The following RALGAPB variants were observed in gnomAD, a reference collection of about 807,000 sequenced individuals.
RALGAPB encodes ral GTPase-activating protein subunit beta.
A neutral mutation model predicts 161.1 loss-of-function variants in RALGAPB; 25 were observed. The ratio of observed to expected loss-of-function variants is 0.16; its 90% CI spans 0.11 to 0.22. The LOEUF (loss-of-function observed/expected upper bound fraction) is 0.22, where lower values mean the gene tolerates loss of function less well. Among genes scored for constraint, RALGAPB ranks in the 10% least tolerant of loss-of-function variants. The pLI is 1.00. For missense variants in RALGAPB, 1,391 were observed against 1,815.2 expected (o/e 0.77, Z 4.25); for synonymous variants, 629 against 626.1 (o/e 1.00, Z -0.07).
intron 28 of RALGAPB, among the ~76,000 whole-genome samples, chr20:38,571,169 T>C (rs1275956743): frequency 6.6e-6 from 1 of 152,154 alleles, no homozygotes; most frequent in Non-Finnish European, 1.5e-5. Flanking sequence ...ACTTCTACCA[T>C]CTCCAGAAGT....
chr20:38,549,288 T>C (rs146060814), intron 20 of RALGAPB, among the ~76,000 whole-genome samples: 5,989 of 151,914 alleles, frequency 0.039, 189 homozygotes, highest in African/African-American at 0.093. Context: ...AGTGCAGTGG[T>C]GTAATCATAG....
In RALGAPB at chr20:38,570,074, C is replaced by T. The variant is rs113854351; in HGVS notation, c.4063+78C>T. 1,576 of 1,220,622 alleles carry T rather than the reference C, an allele frequency of 1.3e-3. 20 individuals carry two copies. In the African/African-American group the frequency reaches 0.02, roughly 15 times the overall value. The allele number at this position is 1,220,622 out of a possible 1,614,324, so 75.6% of individuals were successfully genotyped here. On this transcript the variant is annotated intron_variant, in intron 27 of 29. Transcript: ENST00000262879. ...TTGCTAAATGTCTACAGGGAGTGGG[C>T]ACATAAGCCTGGTGTGGCCAGGAGC...
intron 26 of RALGAPB, 91 bp from the exon 27 acceptor site, chr20:38,569,797 C>A: frequency 1.1e-6 from 1 of 924,584 alleles, no homozygotes; most frequent in Non-Finnish European, 1.7e-6. Flanking sequence ...TCACTGAGCA[C>A]CTTGACAAAT....
chr20:38,541,163 A>G lies in RALGAPB; in HGVS notation c.2685A>G (p.Val895=), dbSNP rs1224498439. 1 of 1,614,150 alleles carries G rather than the reference A, an allele frequency of 6.2e-7. No homozygotes were observed. Among genetic ancestry groups the G allele is most frequent in the Non-Finnish European group, 8.5e-7 (1 of 1,179,988 alleles). ...AGCCAAACCCTGCATCTATGAGGGTAAAGGATGCTGCTGAAGCCACCCTAA... is the reference window on the plus strand; with the variant it reads ...AGCCAAACCCTGCATCTATGAGGGTGAAGGATGCTGCTGAAGCCACCCTAA... ...DKEPNPASMR[V]KDAAEATLTC... The change falls in exon 18 of 30, where the codon GTA becomes GTG. Residue 895 remains valine (V), a synonymous_variant. Transcript: ENST00000262879.
chr20:38,512,500 T>C (rs907524199), intron 6 of RALGAPB, among the ~76,000 whole-genome samples: 2 of 152,260 alleles, frequency 1.3e-5, no homozygotes, highest in African/African-American at 4.8e-5. Context: ...AGAAAAAGCA[T>C]GTAAAACGGC....
rs781336773 is a variant in RALGAPB, at chr20:38,574,261, T to G, written c.4254T>G (p.Pro1418=). The G allele has an allele frequency of 6.2e-7, 1 of 1,613,248 alleles. No individual in the cohort carries two copies. Among genetic ancestry groups the G allele is most frequent in the Non-Finnish European group, 8.5e-7 (1 of 1,179,664 alleles). The change falls in exon 29 of 30, where the codon CCT becomes CCG. Residue 1418 remains proline, a synonymous_variant. Coordinates refer to ENST00000262879, the MANE Select transcript of RALGAPB (RefSeq NM_020336.4). ...GATGKFNMVI[P]LVDGMIVSRR... is the part of the protein sequence containing the mutation. ...CTGGAAAATTTAATATGGTCATCCC[T>G]CTTGTGGATGGGATGATTGTCAGCA...
intron 5 of RALGAPB, among the ~76,000 whole-genome samples, chr20:38,501,935 G>A (rs2085608288): frequency 6.6e-6 from 1 of 152,068 alleles, no homozygotes; most frequent in Non-Finnish European, 1.5e-5. Flanking sequence ...TGCTAGTCTT[G>A]TATCATTTAC....
At chr20:38,500,241 G>GTT (rs879683449) in intron 5 of RALGAPB, among the ~76,000 whole-genome samples, 3 of 142,116 alleles carry the variant, frequency 2.1e-5, no homozygotes, top group Admixed American at 7.0e-5. Context: ...CGGATACCAT[G>GTT]TTTTTTTTTT....
chr20:38,558,261 G>T, intron 22 of RALGAPB, 34 bp from the exon 23 acceptor site: 1 of 1,445,692 alleles, frequency 6.9e-7, no homozygotes. Flanking sequence ...AAAGAAAATA[G>T]GTAATAATTG....
chr20:38,482,417 T>C (rs1439402910), intron 1 of RALGAPB, among the ~76,000 whole-genome samples: 1 of 142,388 alleles, frequency 7.0e-6, no homozygotes, highest in Non-Finnish European at 1.5e-5. Context: ...GTCACAGCTG[T>C]ATGTTTATCT....
At position 38,521,689 on chromosome 20, in the gene RALGAPB, A is replaced by T; in HGVS notation, c.1610A>T (p.Tyr537Phe). 6.2e-7 allele frequency: 1 copy of T among 1,613,904 alleles called. No homozygotes were observed. The highest frequency in any genetic ancestry group is 8.5e-7 in the Non-Finnish European group (1 of 1,179,932). ...ACTGGAGAAGAGATTCTGCCAGCTT[A>T]TTTATCCAGGTCTTGGAATTTTTGT... ...KKTGEEILPA[Y>F]LSRFYMLLIQ... The change falls in exon 10 of 30, where the codon TAT (tyrosine) becomes TTT (phenylalanine). Residue 537 changes from tyrosine (Y) to phenylalanine (F), a missense_variant. Around this residue, in one of 3 missense-constraint regions of RALGAPB, gnomAD observed 946 missense variants for 1,257.2 expected, o/e 0.75. Transcript: ENST00000262879.
chr20:38,518,084 A>G (rs2086186131), intron 9 of RALGAPB, 84 bp downstream of exon 9: 13 of 1,268,584 alleles, frequency 1.0e-5, no homozygotes, highest in African/African-American at 1.5e-5. Context: ...CTGCAAGATT[A>G]ATATGTATCT....
At chr20:38,505,034 A>G (rs1160634397) in intron 5 of RALGAPB, among the ~76,000 whole-genome samples, 2 of 152,226 alleles carry the variant, frequency 1.3e-5, no homozygotes, top group Admixed American at 1.3e-4. Flanking sequence ...TTCTCAAAGA[A>G]CTTAAAATAC....
intron 3 of RALGAPB, among the ~76,000 whole-genome samples, chr20:38,494,487 C>T (rs1190987458): frequency 6.6e-6 from 1 of 152,062 alleles, no homozygotes; most frequent in Admixed American, 6.6e-5. Context: ...AAAACTTAGC[C>T]GGGTGTGGCG....
chr20:38,539,753 G>T, intron 16 of RALGAPB, 23 bp from the exon 17 acceptor site: 1 of 1,603,676 alleles, frequency 6.2e-7, no homozygotes. Context: ...GATTGTTTTT[G>T]TTCTCCAAAT....
intron 22 of RALGAPB, among the ~76,000 whole-genome samples, chr20:38,555,727 A>G (rs980701273): frequency 2.6e-5 from 4 of 152,220 alleles, no homozygotes; most frequent in Non-Finnish European, 4.4e-5. Context: ...GAAAATAATT[A>G]TCATGCTTTC....
chr20:38,498,551 C>G (rs1045373566), intron 4 of RALGAPB, among the ~76,000 whole-genome samples: 4 of 152,214 alleles, frequency 2.6e-5, no homozygotes, highest in African/African-American at 9.6e-5. Context: ...GTCATTGATT[C>G]ATCACCTCTC....
intron 5 of RALGAPB, among the ~76,000 whole-genome samples, chr20:38,507,532 C>T (rs1021436925): frequency 5.9e-5 from 9 of 152,106 alleles, no homozygotes; most frequent in South Asian, 2.1e-4. Flanking sequence ...CATGCCACCA[C>T]GCCCAGCTAA....
In RALGAPB at chr20:38,558,445, A is replaced by C. The variant is rs2087668211; in HGVS notation, c.3523A>C (p.Asn1175His). ...CTATATGAAGCCAGGTCAGAAAACG[A>C]ACCAAGAGGTAAGAGTTACGAATTT... Reference protein sequence around the residue: ...IFYMKPGQKTNQEILKNVESS... With the variant: ...IFYMKPGQKTHQEILKNVESS... The change falls in exon 23 of 30, where the codon AAC becomes CAC. Residue 1175 changes from asparagine (N) to histidine (H), a missense_variant. By Grantham distance (68) the Asn-to-His change is moderately conservative. Coordinates refer to ENST00000262879, the MANE Select transcript of RALGAPB (RefSeq NM_020336.4). 1 of 1,583,010 alleles carries C rather than the reference A, an allele frequency of 6.3e-7. No homozygotes were observed. Among genetic ancestry groups the C allele is most frequent in the Non-Finnish European group, 8.6e-7 (1 of 1,165,516 alleles).
Sources: gnomAD v4.1 joint callset for allele counts (sites outside exome capture counted in the v4.1 genomes callset) on GRCh38, gnomAD v4.1.1 for gene constraint, gnomAD v4.1.1 regional missense constraint, MANE v1.5 for transcripts, NCBI Gene and HGNC (gene_info 2026-07-23, HGNC 2026-07-21) for gene names.